Variants in DOCK8 observed in about 807,000 individuals in gnomAD.
DOCK8 encodes the protein dedicator of cytokinesis 8, also known as dedicator of cytokinesis protein 8.
DOCK8 carries 141 observed loss-of-function variants against 245.6 expected under a neutral mutation model. The observed-to-expected ratio is 0.57, with a 90% CI of 0.50 to 0.66. DOCK8 has a LOEUF of 0.66. Among genes scored for constraint, DOCK8 ranks in the 30% least tolerant of loss-of-function variants. The pLI, the probability that DOCK8 is intolerant of heterozygous loss-of-function variation, is 0.00. For missense variants in DOCK8, 2,965 were observed against 2,603.4 expected (o/e 1.14, Z -3.02); for synonymous variants, 1,168 against 970.2 (o/e 1.20, Z -3.79).
In DOCK8 at chr9:271,649, A is replaced by G. The variant is rs2048168392; in HGVS notation, c.76A>G (p.Lys26Glu). ...AAGGTATTCTTCAGCGGAAATAAGG[A>G]AACAGTTTACTCTCCCACCAAACCT... is the stretch of plus-strand genomic sequence containing the variant. Reference protein sequence around the residue: ...INRYSSAEIRKQFTLPPNLGQ... With the variant: ...INRYSSAEIREQFTLPPNLGQ... Residue 26 changes from lysine (K) to glutamate (E), a missense_variant, in exon 2 of 48, where the codon AAA becomes GAA. Lys to Glu is a moderately conservative substitution (Grantham distance 56, BLOSUM62 1). Coordinates refer to ENST00000432829, the MANE Select transcript of DOCK8 (RefSeq NM_203447.4). 2 of 1,551,134 alleles carry G rather than the reference A, an allele frequency of 1.3e-6. No homozygotes were observed. The highest frequency in any genetic ancestry group is 1.7e-6 in the Non-Finnish European group (2 of 1,146,420).
intron 2 of DOCK8, among the ~76,000 whole-genome samples, chr9:282,617 T>A (rs2048639968): frequency 6.7e-6 from 1 of 150,262 alleles, no homozygotes; most frequent in African/African-American, 2.4e-5. Flanking sequence ...AAAGACAGAG[T>A]CTCACTTTTT....
At chr9:214,347 T>G, upstream of DOCK8, 3 of 671,142 alleles carry the variant, frequency 4.5e-6, no homozygotes, top group Non-Finnish European at 7.4e-6. Context: ...TAATGTTTAT[T>G]CCTTGGATGA....
chr9:291,542 C>T (rs550003701), intron 4 of DOCK8, among the ~76,000 whole-genome samples: 29 of 152,144 alleles, frequency 1.9e-4, no homozygotes, highest in African/African-American at 6.3e-4. Flanking sequence ...AAATATGCTT[C>T]CTCAATACAA....
At chr9:223,823 A>T (rs1184919859) in intron 1 of DOCK8, among the ~76,000 whole-genome samples, 2 of 151,900 alleles carry the variant, frequency 1.3e-5, no homozygotes, top group African/African-American at 2.4e-5. Flanking sequence ...AGTCCCTGTT[A>T]TTCTGTTGCC....
At chr9:324,353 A>C (rs959325163) in intron 7 of DOCK8, among the ~76,000 whole-genome samples, 4 of 152,312 alleles carry the variant, frequency 2.6e-5, no homozygotes, top group East Asian at 3.9e-4. Flanking sequence ...CTTTATTGAC[A>C]TGATGTCTGA....
chr9:293,139 G>T (rs1359559262), intron 4 of DOCK8, among the ~76,000 whole-genome samples: 2 of 152,204 alleles, frequency 1.3e-5, no homozygotes, highest in African/African-American at 4.8e-5. Context: ...ACAGGGAGAA[G>T]TGTACAACTT....
intron 2 of DOCK8, among the ~76,000 whole-genome samples, chr9:285,648 AC>A (rs1371812108): frequency 1.3e-5 from 2 of 152,208 alleles, no homozygotes; most frequent in African/African-American, 4.8e-5. Context: ...TTGAGGACTG[AC>A]AAAGGTTGCC....
intron 16 of DOCK8, among the ~76,000 whole-genome samples, chr9:370,763 C>A (rs2053251330): frequency 1.3e-5 from 2 of 152,078 alleles, no homozygotes; most frequent in Admixed American, 6.6e-5. Flanking sequence ...GGGATAATGC[C>A]CACCCTATTA....
At chr9:434,754 A>G (rs1165628007) in intron 38 of DOCK8, 29 bp from the exon 39 acceptor site, 6 of 1,612,620 alleles carry the variant, frequency 3.7e-6, no homozygotes, top group Admixed American at 3.3e-5. Flanking sequence ...ACTGTCCTCA[A>G]AACTACTTCT....
In DOCK8 at chr9:326,488, C is replaced by T. The variant is rs1246648749; in HGVS notation, c.894+751C>T. ...TGTTAAAACACAGATTGCTGGACCT[C>T]ACCCACAGAGTTTCTGATTCAGCAA... On this transcript the variant is annotated intron_variant, in intron 8 of 47. Coordinates refer to ENST00000432829, the MANE Select transcript of DOCK8 (RefSeq NM_203447.4). Among the ~76,000 whole-genome samples, 36 of 152,188 alleles carry T rather than the reference C, an allele frequency of 2.4e-4. 2 individuals are homozygous for T. Among genetic ancestry groups the T allele is most frequent in the Admixed American group, 2.4e-3 (36 of 15,276 alleles).
chr9:237,452 C>T (rs529005436), intron 1 of DOCK8, among the ~76,000 whole-genome samples: 1 of 152,336 alleles, frequency 6.6e-6, no homozygotes, highest in South Asian at 2.1e-4. Context: ...CTCAGGAGTT[C>T]AAGACCAGCC....
chr9:434,770 A>T lies in DOCK8; in HGVS notation c.4887-13A>T. On this transcript the variant is annotated splice_polypyrimidine_tract_variant and intron_variant, in intron 38 of 47. Coordinates refer to ENST00000432829, the MANE Select transcript of DOCK8 (RefSeq NM_203447.4). ...CTGTCCTCAAAACTACTTCTCACTC[A>T]ATCTGTCTTCAGAATTGCCAAGAGT... 3 of 1,613,806 alleles carry T rather than the reference A, an allele frequency of 1.9e-6. No homozygotes were observed. The highest frequency in any genetic ancestry group is 1.7e-4 in the Middle Eastern group (1 of 6,056).
chr9:276,923 C>T (rs957005603), intron 2 of DOCK8: 11 of 284,788 alleles, frequency 3.9e-5, no homozygotes, highest in Non-Finnish European at 8.2e-5. Context: ...ATTCTCCTGC[C>T]TCAGCCTCCC....
intron 14 of DOCK8, among the ~76,000 whole-genome samples, chr9:357,497 C>G (rs1358539353): frequency 2.0e-5 from 3 of 152,026 alleles, no homozygotes; most frequent in Non-Finnish European, 4.4e-5. Context: ...CATTTGATTT[C>G]TGACTTTCAG....
At chr9:302,870 G>A (rs1012532042) in intron 4 of DOCK8, among the ~76,000 whole-genome samples, 1 of 152,058 alleles carries the variant, frequency 6.6e-6, no homozygotes, top group East Asian at 1.9e-4. Flanking sequence ...GCTTATGCTT[G>A]TAATCCCAGC....
intron 29 of DOCK8, among the ~76,000 whole-genome samples, chr9:417,418 C>G (rs955543988): frequency 1.3e-5 from 2 of 152,198 alleles, no homozygotes; most frequent in Non-Finnish European, 2.9e-5. Context: ...TCTAGAAAAA[C>G]ATGAATTTTT....
In DOCK8 at chr9:217,775, G is replaced by C. The variant is rs147157620; in HGVS notation, c.53+2746G>C. ...TTTTATGATTAAATTCTCACAAAAAGCCTATCAAACTCATGAAGTCTTGTA... is the reference window on the plus strand; with the variant it reads ...TTTTATGATTAAATTCTCACAAAAACCCTATCAAACTCATGAAGTCTTGTA... On this transcript the variant is annotated intron_variant, in intron 1 of 47. Coordinates refer to ENST00000432829, the MANE Select transcript of DOCK8 (RefSeq NM_203447.4). Among the ~76,000 whole-genome samples, 357 of 152,226 alleles carry C rather than the reference G, an allele frequency of 2.3e-3. 1 individual carries two copies. The highest frequency in any genetic ancestry group is 7.8e-3 in the African/African-American group (323 of 41,532).
At position 358,314 on chromosome 9, in the gene DOCK8, G is replaced by A. The variant is rs907673884; in HGVS notation, c.1680-9704G>A. Among the ~76,000 whole-genome samples the A allele has an allele frequency of 4.6e-5, 7 of 152,046 alleles. No homozygotes were observed. In the South Asian group the frequency reaches 8.3e-4, roughly 18 times the overall value. ...ATGTTCCCCAGGCTAGGCTAGTCTC[G>A]AACTCCTGGCCTCAAACAGTCCTCC... On this transcript the variant is annotated intron_variant, in intron 14 of 47. Transcript: ENST00000432829.
chr9:293,571 G>A (rs1203987251), intron 4 of DOCK8, among the ~76,000 whole-genome samples: 1 of 152,236 alleles, frequency 6.6e-6, no homozygotes, highest in East Asian at 1.9e-4. Context: ...ACACTGACCA[G>A]GGACTCGTGG....
Sources: gnomAD v4.1 joint callset for allele counts (sites outside exome capture counted in the v4.1 genomes callset) on GRCh38, gnomAD v4.1.1 for gene constraint, MANE v1.5 for transcripts, NCBI Gene and HGNC (gene_info 2026-07-23, HGNC 2026-07-21) for gene names.